The following SLC15A5 variants were observed in gnomAD, a reference collection of about 807,000 sequenced individuals.
SLC15A5 encodes the protein solute carrier family 15 member 5.
SLC15A5 carries 58 observed loss-of-function variants against 56.1 expected under a neutral mutation model. That is an observed-to-expected ratio of 1.03 (90% CI 0.84 to 1.29). The LOEUF (loss-of-function observed/expected upper bound fraction) is 1.29, where lower values mean the gene tolerates loss of function less well. SLC15A5 is among the 50% of genes most tolerant of loss of function. The pLI is 0.00. For synonymous variants in SLC15A5, 264 were observed against 250.5 expected, an observed-to-expected ratio of 1.05 and a Z score of -0.51; for missense variants, 681 against 672.1, an observed-to-expected ratio of 1.01 and a Z score of -0.15.
intron 2 of SLC15A5, among the ~76,000 whole-genome samples, chr12:16,259,073 C>G (rs552130850): frequency 8.4e-6 from 1 of 118,908 alleles, no homozygotes; most frequent in East Asian, 3.0e-4. Flanking sequence ...ACTCTGTCAC[C>G]CAGGCTGGAA....
chr12:16,205,206 G>A (rs1864002389), intron 7 of SLC15A5, among the ~76,000 whole-genome samples: 1 of 151,878 alleles, frequency 6.6e-6, no homozygotes, highest in Non-Finnish European at 1.5e-5. Flanking sequence ...ACAAATTAAA[G>A]TAGCAATGGA....
At chr12:16,233,734 C>G (rs1371532928) in intron 5 of SLC15A5, among the ~76,000 whole-genome samples, 1 of 152,152 alleles carries the variant, frequency 6.6e-6, no homozygotes, top group East Asian at 1.9e-4. Context: ...CTGAAAGTGT[C>G]CTCCCTGACC....
chr12:16,201,354 A>G (rs1456281258), intron 7 of SLC15A5, among the ~76,000 whole-genome samples: 1 of 152,168 alleles, frequency 6.6e-6, no homozygotes, highest in Non-Finnish European at 1.5e-5. Context: ...CTACAAAGCT[A>G]TAGTATCAAA....
rs1746814592 is a variant in SLC15A5 at position 16,271,730 on chromosome 12, A to G, written c.584+831T>C. ...CACTGATAGATAACAAAGAATAACA[A>G]AGAAGTTTTATACTAAATTCTTAAC... On this transcript the variant is annotated intron_variant, in intron 2 of 8. Coordinates refer to ENST00000344941, the MANE Select transcript of SLC15A5 (RefSeq NM_001170798.1). The surrounding 1 kb of genome is among the most constrained non-coding windows in gnomAD (Gnocchi z 8.0). Among the ~76,000 whole-genome samples the G allele has an allele frequency of 6.6e-6, 1 of 152,156 alleles. No individual in the cohort carries two copies. The highest frequency in any genetic ancestry group is 1.5e-5 in the Non-Finnish European group (1 of 68,020).
intron 1 of SLC15A5, among the ~76,000 whole-genome samples, chr12:16,273,176 G>A (rs149866512): frequency 1.3e-5 from 2 of 152,036 alleles, no homozygotes; most frequent in East Asian, 1.9e-4. Context: ...TTAATCAATC[G>A]AGTGACAGAA....
chr12:16,242,580 C>G (rs1864423494), intron 4 of SLC15A5, among the ~76,000 whole-genome samples: 1 of 152,284 alleles, frequency 6.6e-6, no homozygotes. Flanking sequence ...CTTTTAGAAG[C>G]TATGGCACTT....
chr12:16,192,081 T>C (rs1863842847), intron 8 of SLC15A5, among the ~76,000 whole-genome samples: 1 of 152,104 alleles, frequency 6.6e-6, no homozygotes, highest in Admixed American at 6.6e-5. Flanking sequence ...TTGTGTGAAC[T>C]TGGTCAGTTT....
At chr12:16,197,128 A>G (rs1025727476) in intron 7 of SLC15A5, among the ~76,000 whole-genome samples, 25 of 152,012 alleles carry the variant, frequency 1.6e-4, no homozygotes, top group East Asian at 3.9e-4. Context: ...AGATTGCCAT[A>G]TTACGTATTC....
intron 8 of SLC15A5, among the ~76,000 whole-genome samples, chr12:16,191,924 T>C (rs1306106996): frequency 6.6e-6 from 1 of 152,110 alleles, no homozygotes; most frequent in East Asian, 1.9e-4. Context: ...GGTAGAGTTA[T>C]TTTAACTGAA....
At chr12:16,209,595 T>C (rs1035077755) in intron 7 of SLC15A5, among the ~76,000 whole-genome samples, 3 of 152,276 alleles carry the variant, frequency 2.0e-5, no homozygotes, top group African/African-American at 4.8e-5. Flanking sequence ...TAAAGTCTAT[T>C]CTTCTTCCAG....
chr12:16,251,856 A>G (rs1271532012), intron 3 of SLC15A5, among the ~76,000 whole-genome samples: 1 of 152,036 alleles, frequency 6.6e-6, no homozygotes, highest in Non-Finnish European at 1.5e-5. Context: ...AGACAAAGAC[A>G]TAACAAGAAA....
At chr12:16,254,242 A>G (rs1864547032) in intron 3 of SLC15A5, among the ~76,000 whole-genome samples, 1 of 152,086 alleles carries the variant, frequency 6.6e-6, no homozygotes, top group Non-Finnish European at 1.5e-5. Flanking sequence ...AATAATAATA[A>G]TATGATTCCA....
At chr12:16,192,281 A>G (rs1236683732) in intron 8 of SLC15A5, among the ~76,000 whole-genome samples, 1 of 152,102 alleles carries the variant, frequency 6.6e-6, no homozygotes, top group African/African-American at 2.4e-5. Flanking sequence ...CTCTCTCTCT[A>G]TCTTTATTCC....
intron 7 of SLC15A5, among the ~76,000 whole-genome samples, chr12:16,195,944 C>G (rs939804068): frequency 2.0e-5 from 3 of 152,034 alleles, no homozygotes; most frequent in African/African-American, 7.2e-5. Flanking sequence ...TATCTGAAAG[C>G]TAGCCTAAAT....
chr12:16,238,645 A>AAAT (rs1864377567), intron 5 of SLC15A5, among the ~76,000 whole-genome samples: 1 of 151,558 alleles, frequency 6.6e-6, no homozygotes, highest in Non-Finnish European at 1.5e-5. Flanking sequence ...AAAAAAAAAA[A>AAAT]AATAAGAACA....
chr12:16,240,784 A>C (rs1363434583), intron 4 of SLC15A5, among the ~76,000 whole-genome samples: 1 of 151,994 alleles, frequency 6.6e-6, no homozygotes, highest in African/African-American at 2.4e-5. Context: ...GAGCTTTGTT[A>C]CAGCTTCATC....
In SLC15A5 at chr12:16,235,372, C is replaced by G. The variant is rs1309148384; in HGVS notation, c.1162+4309G>C. On this transcript the variant is annotated intron_variant, in intron 5 of 8. Coordinates refer to ENST00000344941, the MANE Select transcript of SLC15A5 (RefSeq NM_001170798.1). The surrounding 1 kb of genome is among the most constrained non-coding windows in gnomAD (Gnocchi z 4.1). ...CTTCTATCTTTTGTTTCTCTGTAGA[C>G]CATTGGAATTCATTTCAGAAGACCC... Among the ~76,000 whole-genome samples the G allele has an allele frequency of 1.3e-5, 2 of 150,326 alleles. No homozygotes were observed. The highest frequency in any genetic ancestry group is 4.9e-5 in the African/African-American group (2 of 40,912).
chr12:16,212,381 C>T (rs1864092477), intron 7 of SLC15A5, among the ~76,000 whole-genome samples: 1 of 152,138 alleles, frequency 6.6e-6, no homozygotes, highest in Non-Finnish European at 1.5e-5. Flanking sequence ...CTTATGGTCA[C>T]TCTCTTTTAG....
chr12:16,277,516 A>C lies in SLC15A5; in HGVS notation c.170T>G (p.Phe57Cys), dbSNP rs912466427. 15 of 1,536,440 alleles carry C rather than the reference A, an allele frequency of 9.8e-6. No individual in the cohort carries two copies. In the Admixed American group the frequency reaches 1.4e-4, roughly 14 times the overall value. Residue 57 changes from phenylalanine (F) to cysteine (C), a missense_variant, in exon 1 of 9, where the codon TTC becomes TGC. By Grantham distance (205) the Phe-to-Cys change is radical (BLOSUM62 -2). Transcript: ENST00000344941. ...LLVELCERFTFFEVVCNMIPF... is the reference protein window; with the variant it reads ...LLVELCERFTCFEVVCNMIPF... ...GATCATGTTGCAGACGACTTCAAAG[A>C]ACGTGAACCTCTCACACAGCTCCAC...
Sources: gnomAD v4.1 joint callset for allele counts (sites outside exome capture counted in the v4.1 genomes callset) on GRCh38, gnomAD v4.1.1 for gene constraint, Gnocchi (gnomAD v3.1) non-coding constraint, MANE v1.5 for transcripts, NCBI Gene and HGNC (gene_info 2026-07-23, HGNC 2026-07-21) for gene names.